The following BTBD7 variants were observed in gnomAD, a reference collection of about 807,000 sequenced individuals.
BTBD7 encodes BTB/POZ domain-containing protein 7.
Under a neutral mutation model 99.9 loss-of-function variants are expected in BTBD7, and 38 were observed. The ratio of observed to expected loss-of-function variants is 0.38; its 90% CI spans 0.29 to 0.50. BTBD7 has a LOEUF of 0.50. Ranked by LOEUF, BTBD7 falls within the 20% of genes least tolerant of loss-of-function variation. The pLI, the probability that BTBD7 is intolerant of heterozygous loss-of-function variation, is 0.93. For synonymous variants in BTBD7, 520 were observed against 511.4 expected, an observed-to-expected ratio of 1.02 and a Z score of -0.23; for missense variants, 1,170 against 1,394.6, an observed-to-expected ratio of 0.84 and a Z score of 2.57.
intron 1 of BTBD7, among the ~76,000 whole-genome samples, chr14:93,300,844 G>C (rs1191321424): frequency 1.3e-5 from 2 of 148,710 alleles, no homozygotes; most frequent in African/African-American, 5.0e-5. Flanking sequence ...TCAAACTCCT[G>C]AGCTCAAGTG....
In BTBD7 at chr14:93,257,325, C is replaced by CTCAG; in HGVS notation, c.1477_1478insCTGA (p.Ser493ThrfsTer32). On this transcript the variant is annotated frameshift_variant, in exon 6 of 11. Coordinates refer to ENST00000334746, the MANE Select transcript of BTBD7 (RefSeq NM_001002860.4). LOFTEE classifies it high-confidence loss of function. ...TCTTTTTACACCTCTTTTGTTCACA[C>CTCAG]TATGGGCAGTGCCACTCAGTAAGTT... 1 of 1,613,156 alleles carries CTCAG rather than the reference C, an allele frequency of 6.2e-7. No individual in the cohort carries two copies. Among genetic ancestry groups the CTCAG allele is most frequent in the Non-Finnish European group, 8.5e-7 (1 of 1,179,688 alleles).
intron 3 of BTBD7, among the ~76,000 whole-genome samples, chr14:93,291,850 A>G (rs1595316474): frequency 6.6e-6 from 1 of 152,182 alleles, no homozygotes; most frequent in African/African-American, 2.4e-5. Flanking sequence ...AAGTATTACC[A>G]AAGATCTTAG....
At chr14:93,284,394 T>C (rs1454431451) in intron 3 of BTBD7, among the ~76,000 whole-genome samples, 2 of 152,122 alleles carry the variant, frequency 1.3e-5, no homozygotes, top group African/African-American at 2.4e-5. Context: ...GGTTAAGTGC[T>C]TTCATTTTGT....
intron 1 of BTBD7, among the ~76,000 whole-genome samples, chr14:93,328,089 C>T (rs1351165998): frequency 6.6e-6 from 1 of 152,058 alleles, no homozygotes; most frequent in East Asian, 1.9e-4. Context: ...GACTTTTACA[C>T]TGAAAACTAA....
intron 1 of BTBD7, among the ~76,000 whole-genome samples, chr14:93,326,002 T>C (rs551597502): frequency 3.2e-4 from 48 of 152,244 alleles, no homozygotes; most frequent in African/African-American, 1.1e-3. Flanking sequence ...AAGATTCAAT[T>C]TGTGATGTCA....
chr14:93,319,546 A>T (rs1422130618), intron 1 of BTBD7, among the ~76,000 whole-genome samples: 2 of 152,252 alleles, frequency 1.3e-5, no homozygotes, highest in Non-Finnish European at 2.9e-5. Flanking sequence ...TTCCACTTAT[A>T]TGAGGTCTTT....
intron 3 of BTBD7, among the ~76,000 whole-genome samples, chr14:93,281,235 C>CA (rs1325836510): frequency 1.3e-5 from 2 of 151,240 alleles, no homozygotes; most frequent in African/African-American, 2.4e-5. Flanking sequence ...CTCCTGGACT[C>CA]AAGCGATCTG....
chr14:93,265,578 CA>C (rs2052532906), intron 3 of BTBD7, among the ~76,000 whole-genome samples: 1 of 152,226 alleles, frequency 6.6e-6, no homozygotes, highest in Non-Finnish European at 1.5e-5. Context: ...TCATAAACAG[CA>C]CTGATTAACT....
intron 1 of BTBD7, among the ~76,000 whole-genome samples, chr14:93,300,026 T>C (rs1396987957): frequency 6.6e-6 from 1 of 152,156 alleles, no homozygotes. Context: ...AAAACACTTT[T>C]TATTGCTTCA....
intron 3 of BTBD7, among the ~76,000 whole-genome samples, chr14:93,285,720 A>AT (rs1466719713): frequency 2.6e-5 from 4 of 152,214 alleles, no homozygotes; most frequent in Admixed American, 6.5e-5. Context: ...GTCATTATGA[A>AT]AAGTCAAAGT....
chr14:93,251,719 G>T, intron 7 of BTBD7, 67 bp from the exon 8 acceptor site: 1 of 1,277,088 alleles, frequency 7.8e-7, no homozygotes, highest in Non-Finnish European at 1.0e-6. Context: ...TTTGAAGGAA[G>T]ACTATTACTT....
chr14:93,262,534 C>T (rs571427847), intron 4 of BTBD7, among the ~76,000 whole-genome samples: 22 of 152,066 alleles, frequency 1.4e-4, no homozygotes, highest in African/African-American at 5.3e-4. Context: ...TATATAGCTG[C>T]CTTAAATTCT....
intron 10 of BTBD7, among the ~76,000 whole-genome samples, chr14:93,245,437 T>A (rs1394247340): frequency 2.0e-5 from 3 of 152,202 alleles, no homozygotes; most frequent in Non-Finnish European, 4.4e-5. Context: ...TCTTGTCCGA[T>A]TAAAGCATGT....
chr14:93,269,537 A>G (rs2052578791), intron 3 of BTBD7, among the ~76,000 whole-genome samples: 1 of 152,198 alleles, frequency 6.6e-6, no homozygotes, highest in Non-Finnish European at 1.5e-5. Flanking sequence ...TGGGCAGTAC[A>G]GGGAGTCAGT....
At chr14:93,327,416 T>C (rs1052384458) in intron 1 of BTBD7, among the ~76,000 whole-genome samples, 1 of 152,172 alleles carries the variant, frequency 6.6e-6, no homozygotes, top group South Asian at 2.1e-4. Context: ...TAAATAACTA[T>C]AGTATTATTT....
At chr14:93,317,539 G>A (rs894796705) in intron 1 of BTBD7, among the ~76,000 whole-genome samples, 1 of 151,712 alleles carries the variant, frequency 6.6e-6, no homozygotes, top group Non-Finnish European at 1.5e-5. Flanking sequence ...AGAAAACAAC[G>A]GTGGAGAAAA....
chr14:93,266,929 A>AT, intron 3 of BTBD7, among the ~76,000 whole-genome samples: 1 of 152,210 alleles, frequency 6.6e-6, no homozygotes, highest in Non-Finnish European at 1.5e-5. Context: ...AACAGTCGTC[A>AT]TTTTATGACG....
intron 10 of BTBD7, chr14:93,243,991 T>A (rs1366698255): frequency 4.3e-6 from 1 of 230,790 alleles, no homozygotes; most frequent in Non-Finnish European, 8.7e-6. Flanking sequence ...CTTTCTGTGC[T>A]AACAGTGCCC....
chr14:93,310,163 T>C (rs180888708), intron 1 of BTBD7, among the ~76,000 whole-genome samples: 65 of 152,338 alleles, frequency 4.3e-4, no homozygotes, highest in African/African-American at 1.5e-3. Context: ...AGTAGAATAT[T>C]CTCAAGCAAA....
Sources: allele counts gnomAD v4.1 joint callset (sites outside exome capture counted in the v4.1 genomes callset), GRCh38; gene constraint gnomAD v4.1.1; transcripts MANE v1.5; gene names NCBI Gene and HGNC (gene_info 2026-07-23, HGNC 2026-07-21).